The following KCNIP4 variants were observed in gnomAD, a reference collection of about 807,000 sequenced individuals.
KCNIP4 encodes potassium voltage-gated channel interacting protein 4, also known as Kv channel-interacting protein 4.
Under a neutral mutation model 34.0 loss-of-function variants are expected in KCNIP4, and 12 were observed. The ratio of observed to expected loss-of-function variants is 0.35; its 90% CI spans 0.23 to 0.57. The LOEUF (loss-of-function observed/expected upper bound fraction) is 0.57. KCNIP4 is among the 20% of genes least tolerant of loss of function. KCNIP4 has a pLI of 0.83. For missense variants in KCNIP4, 238 were observed against 311.7 expected, an observed-to-expected ratio of 0.76 and a Z score of 1.78; for synonymous variants, 124 against 102.2, an observed-to-expected ratio of 1.21 and a Z score of -1.29.
chr4:21,497,200 G>A (rs907083583), intron 1 of KCNIP4, among the ~76,000 whole-genome samples: 11 of 152,114 alleles, frequency 7.2e-5, no homozygotes, highest in Non-Finnish European at 1.3e-4. Flanking sequence ...CTGGAGGAGG[G>A]CAATGAAGCA....
At chr4:21,197,034 T>C (rs896462502) in intron 1 of KCNIP4, among the ~76,000 whole-genome samples, 5 of 152,206 alleles carry the variant, frequency 3.3e-5, no homozygotes, top group African/African-American at 1.2e-4. Flanking sequence ...GTAAACAATA[T>C]AGCTTTTTGT....
intron 1 of KCNIP4, among the ~76,000 whole-genome samples, chr4:21,715,945 G>A (rs116244530): frequency 0.026 from 4,006 of 152,244 alleles, 157 homozygotes; most frequent in African/African-American, 0.091. Context: ...GGAAGGAACT[G>A]TAAAATCAGG....
At chr4:20,746,487 A>G (rs1277672058) in intron 5 of KCNIP4, among the ~76,000 whole-genome samples, 2 of 151,856 alleles carry the variant, frequency 1.3e-5, no homozygotes, top group Non-Finnish European at 2.9e-5. Context: ...AAAAATGCAC[A>G]CTCTGCACAT....
chr4:20,990,893 C>T (rs570077155), intron 1 of KCNIP4, among the ~76,000 whole-genome samples: 1 of 152,162 alleles, frequency 6.6e-6, no homozygotes, highest in African/African-American at 2.4e-5. Flanking sequence ...TGATCATTAT[C>T]CCTTTTATAT....
At chr4:20,944,794 G>T (rs1732021495) in intron 1 of KCNIP4, among the ~76,000 whole-genome samples, 1 of 152,178 alleles carries the variant, frequency 6.6e-6, no homozygotes, top group African/African-American at 2.4e-5. Flanking sequence ...TTGGGGACAA[G>T]ATCTATTCAC....
chr4:21,423,786 T>G (rs1162198139), intron 1 of KCNIP4, among the ~76,000 whole-genome samples: 2 of 151,962 alleles, frequency 1.3e-5, no homozygotes, highest in African/African-American at 2.4e-5. Context: ...TATCCTATAT[T>G]TGAGCCATAT....
intron 1 of KCNIP4, among the ~76,000 whole-genome samples, chr4:21,667,162 G>A (rs944945873): frequency 6.6e-6 from 1 of 152,146 alleles, no homozygotes; most frequent in Non-Finnish European, 1.5e-5. Context: ...ATCAGAAGAT[G>A]GTAGGACATG....
intron 1 of KCNIP4, among the ~76,000 whole-genome samples, chr4:21,723,659 T>C (rs796389762): frequency 1.7e-4 from 26 of 152,234 alleles, no homozygotes; most frequent in African/African-American, 4.3e-4. Context: ...AAGGAATTAA[T>C]ACACGTAAAT....
intron 1 of KCNIP4, among the ~76,000 whole-genome samples, chr4:21,228,719 C>T (rs951656143): frequency 1.1e-4 from 16 of 152,134 alleles, no homozygotes; most frequent in African/African-American, 3.6e-4. Flanking sequence ...TACTTTGCTT[C>T]GATCAGATTG....
intron 1 of KCNIP4, among the ~76,000 whole-genome samples, chr4:21,767,595 T>TAA (rs1718507875): frequency 1.3e-5 from 2 of 152,096 alleles, no homozygotes. Context: ...TTAGCTTATT[T>TAA]TTATTTCAAA....
At chr4:21,053,026 T>TAC (rs995181944) in intron 1 of KCNIP4, among the ~76,000 whole-genome samples, 46 of 143,142 alleles carry the variant, frequency 3.2e-4, no homozygotes, top group African/African-American at 1.2e-3. Context: ...CACACACACA[T>TAC]ACACACACAC....
chr4:21,595,839 C>T (rs532801099), intron 1 of KCNIP4, among the ~76,000 whole-genome samples: 292 of 152,126 alleles, frequency 1.9e-3, no homozygotes, highest in Non-Finnish European at 3.2e-3. Flanking sequence ...GACAATCTAC[C>T]GTGTGCTGAC....
chr4:21,370,858 C>CAT (rs1560338149), intron 1 of KCNIP4, among the ~76,000 whole-genome samples: 11 of 47,834 alleles, frequency 2.3e-4, no homozygotes, highest in East Asian at 7.6e-4. Context: ...TATACACACA[C>CAT]ACACACACAC....
intron 1 of KCNIP4, among the ~76,000 whole-genome samples, chr4:21,859,066 T>TA (rs1724914788): frequency 6.6e-6 from 1 of 152,142 alleles, no homozygotes; most frequent in Non-Finnish European, 1.5e-5. Context: ...TCACTGCTCT[T>TA]AGATAAGGGA....
chr4:21,229,206 C>G (rs935135865), intron 1 of KCNIP4, among the ~76,000 whole-genome samples: 3 of 152,148 alleles, frequency 2.0e-5, no homozygotes, highest in African/African-American at 7.2e-5. Context: ...TCCGTCTTCA[C>G]AAATAATGCC....
chr4:21,157,681 G>A (rs1361402299), intron 1 of KCNIP4, among the ~76,000 whole-genome samples: 1 of 152,034 alleles, frequency 6.6e-6, no homozygotes, highest in Non-Finnish European at 1.5e-5. Flanking sequence ...AATGCAATAT[G>A]TACACAGAAA....
chr4:20,893,588 A>ATT lies in KCNIP4; in HGVS notation c.62-10881_62-10880dup, dbSNP rs35952261. ...TGGGCACACACCACCATGCCCCAGT[A>ATT]TTTTTTTTTTTTTTTTGTAGAAATG... is the stretch of plus-strand genomic sequence containing the variant. On this transcript the variant is annotated intron_variant, in intron 1 of 8. Transcript: ENST00000382152. Among the ~76,000 whole-genome samples, 733 of 136,846 alleles carry ATT rather than the reference A, an allele frequency of 5.4e-3. 12 individuals are homozygous for ATT. Among genetic ancestry groups the ATT allele is most frequent in the African/African-American group, 0.019 (704 of 37,256 alleles). The allele number at this position is 136,846 out of a possible 152,430, so 89.8% of individuals were successfully genotyped here.
intron 1 of KCNIP4, among the ~76,000 whole-genome samples, chr4:21,576,274 A>G (rs994549601): frequency 1.3e-5 from 2 of 152,170 alleles, no homozygotes; most frequent in African/African-American, 4.8e-5. Flanking sequence ...ACTGCTTCAC[A>G]TAAAGCATCT....
intron 1 of KCNIP4, among the ~76,000 whole-genome samples, chr4:21,601,892 C>T (rs1216787154): frequency 6.6e-6 from 1 of 152,108 alleles, no homozygotes; most frequent in Non-Finnish European, 1.5e-5. Flanking sequence ...TCTCCTTGAC[C>T]ACACCATCAA....
Sources: allele counts gnomAD v4.1 joint callset (sites outside exome capture counted in the v4.1 genomes callset), GRCh38; gene constraint gnomAD v4.1.1; transcripts MANE v1.5; gene names NCBI Gene and HGNC (gene_info 2026-07-23, HGNC 2026-07-21).